The following CD163L1 variants were observed in gnomAD, a reference collection of about 807,000 sequenced individuals.
The protein encoded by CD163L1 is CD163 molecule like 1.
In CD163L1, 124 loss-of-function variants were observed where a neutral mutation model predicts 165.4. That is an observed-to-expected ratio of 0.75 (90% CI 0.65 to 0.87). The LOEUF (loss-of-function observed/expected upper bound fraction) is 0.87. Ranked by LOEUF, CD163L1 falls within the 40% of genes least tolerant of loss-of-function variation. The pLI is 0.00. For missense variants in CD163L1, 1,525 were observed against 1,799.9 expected, an observed-to-expected ratio of 0.85 and a Z score of 2.76; for synonymous variants, 585 against 662.2, an observed-to-expected ratio of 0.88 and a Z score of 1.79.
intron 4 of CD163L1, among the ~76,000 whole-genome samples, chr12:7,426,722 A>G (rs754481846): frequency 1.1e-4 from 16 of 152,186 alleles, no homozygotes; most frequent in Non-Finnish European, 2.2e-4. Flanking sequence ...CATGTATACC[A>G]GAACCTAAAG....
chr12:7,424,887 T>C (rs1948513245), intron 4 of CD163L1, among the ~76,000 whole-genome samples: 1 of 152,158 alleles, frequency 6.6e-6, no homozygotes. Context: ...AAAGATTCAA[T>C]ACTGTGAAAA....
At position 7,357,477 on chromosome 12, in the gene CD163L1, G is replaced by C. The variant is rs1326270733; in HGVS notation, c.4289C>G (p.Pro1430Arg). The C allele has an allele frequency of 6.2e-7, 1 of 1,612,282 alleles. No individual in the cohort carries two copies. Among genetic ancestry groups the C allele is most frequent in the Non-Finnish European group, 8.5e-7 (1 of 1,178,894 alleles). The change falls in exon 19 of 20, where the codon CCC (proline) becomes CGC (arginine). Residue 1430 changes from proline (P) to arginine (R), a missense_variant. Transcript: ENST00000313599. ...PHGTRTSDDT[P>R]NHGCEDASDT... ...GCTAGCATCTTCACAACCATGGTTGGGGGTGTCATCTGAAAGAAAGGCAAA... is the reference window on the plus strand; with the variant it reads ...GCTAGCATCTTCACAACCATGGTTGCGGGTGTCATCTGAAAGAAAGGCAAA...
chr12:7,332,526 C>T, the CD163L1 span, among the ~76,000 whole-genome samples: 5 of 152,158 alleles, frequency 3.3e-5, no homozygotes, highest in African/African-American at 9.7e-5. Context: ...TTAAGGGCAG[C>T]CAGGGAGAAA....
At chr12:7,324,201 G>C in the CD163L1 span, 7 of 1,551,006 alleles carry the variant, frequency 4.5e-6, no homozygotes, top group African/African-American at 8.2e-5. Flanking sequence ...TAATGTACTA[G>C]TCACTTAATG....
At chr12:7,342,951 T>C (rs1415042780), downstream of CD163L1, among the ~76,000 whole-genome samples, 1 of 152,228 alleles carries the variant, frequency 6.6e-6, no homozygotes, top group African/African-American at 2.4e-5. Context: ...CTCTCTTATC[T>C]TCACCAATTT....
At chr12:7,380,624 CAG>C (rs1488709994) in intron 8 of CD163L1, among the ~76,000 whole-genome samples, 1 of 151,928 alleles carries the variant, frequency 6.6e-6, no homozygotes, top group Non-Finnish European at 1.5e-5. Flanking sequence ...TTTGAGGACT[CAG>C]GGGAAAGGGT....
At position 7,368,737 on chromosome 12, in the gene CD163L1, T is replaced by TA. The variant is rs1433548681; in HGVS notation, c.4072+195dup. Reference sequence around the variant, plus strand: ...TGAGAGTCTTATCCTTCTCTGCATGTAAAAAGGATTTTTCTAGAGAGAAGG... The same window carrying TA: ...TGAGAGTCTTATCCTTCTCTGCATGTAAAAAAGGATTTTTCTAGAGAGAAGG... On this transcript the variant is annotated intron_variant, in intron 16 of 19. Transcript: ENST00000313599. This position sits in a 1 kb window ranked among gnomAD's most constrained non-coding sequence, Gnocchi z 4.3. The TA allele has an allele frequency of 6.7e-6, 4 of 597,892 alleles. No homozygotes were observed. The South Asian group carries it at 8.5e-5, about 13-fold the overall frequency. The allele number at this position is 597,892 out of a possible 1,614,324, so 37.0% of individuals were successfully genotyped here.
intron 8 of CD163L1, among the ~76,000 whole-genome samples, chr12:7,381,744 C>T (rs1947413240): frequency 6.6e-6 from 1 of 151,916 alleles, no homozygotes; most frequent in South Asian, 2.1e-4. Flanking sequence ...GTAGGAATCT[C>T]TATCAAAATT....
downstream of CD163L1, among the ~76,000 whole-genome samples, chr12:7,351,446 T>G (rs751821513): frequency 7.9e-5 from 12 of 152,166 alleles, no homozygotes; most frequent in Non-Finnish European, 1.8e-4. Context: ...ATCTTTTCAC[T>G]GTGGTCTCAC....
chr12:7,440,673 C>T (rs1302375029), intron 2 of CD163L1, among the ~76,000 whole-genome samples: 3 of 144,982 alleles, frequency 2.1e-5, no homozygotes, highest in Non-Finnish European at 4.5e-5. Context: ...GTCGCCCAGG[C>T]TGGAGTGTAG....
At chr12:7,385,965 C>T (rs1358117235) in intron 8 of CD163L1, among the ~76,000 whole-genome samples, 3 of 151,824 alleles carry the variant, frequency 2.0e-5, no homozygotes, top group African/African-American at 7.3e-5. Flanking sequence ...CCAAACCAAA[C>T]CCAAAATGTG....
rs1333756411 is a variant in CD163L1, at chr12:7,400,410, G to A, written c.1409-1826C>T. 6.6e-6 allele frequency among the ~76,000 whole-genome samples: 1 copy of A among 152,240 alleles called. No homozygotes were observed. The highest frequency in any genetic ancestry group is 2.1e-4 in the South Asian group (1 of 4,822). ...CAAAGAAAAACTTTTAATTCCTGAT[G>A]CAAACAAATATATAAATGAAGTAGT... On this transcript the variant is annotated intron_variant, in intron 6 of 19. Transcript: ENST00000313599. This position sits in a 1 kb window ranked among gnomAD's most constrained non-coding sequence, Gnocchi z 4.1.
chr12:7,367,965 C>T lies in CD163L1; in HGVS notation c.4183+122G>A, dbSNP rs140211680. The T allele has an allele frequency of 1.2e-3, 821 of 663,400 alleles. 2 individuals are homozygous for T. Among genetic ancestry groups the T allele is most frequent in the Non-Finnish European group, 1.7e-3 (625 of 365,570 alleles). The allele number at this position is 663,400 out of a possible 1,614,324, so 41.1% of individuals were successfully genotyped here. ...ACATGTTTCTGCATTTGGCCTGGCA[C>T]TTTCCAATCCATCTCACTCAAAGTG... On this transcript the variant is annotated intron_variant, in intron 17 of 19. Coordinates refer to ENST00000313599, the MANE Select transcript of CD163L1 (RefSeq NM_174941.6).
chr12:7,339,458 T>C, the CD163L1 span, among the ~76,000 whole-genome samples: 1 of 152,300 alleles, frequency 6.6e-6, no homozygotes, highest in East Asian at 1.9e-4. Flanking sequence ...AACAGTGAGA[T>C]AAAGATGGAC....
At chr12:7,382,617 C>T (rs1947435002) in intron 8 of CD163L1, among the ~76,000 whole-genome samples, 1 of 152,200 alleles carries the variant, frequency 6.6e-6, no homozygotes, top group Non-Finnish European at 1.5e-5. Flanking sequence ...CCCTCAGCTT[C>T]TGTGGGCTCT....
In CD163L1 at chr12:7,417,086, T is replaced by C. The variant is rs142004084; in HGVS notation, c.767-10234A>G. Among the ~76,000 whole-genome samples, 729 of 152,292 alleles carry C rather than the reference T, an allele frequency of 4.8e-3. 8 individuals are homozygous for C. The highest frequency in any genetic ancestry group is 0.017 in the African/African-American group (689 of 41,562). ...TTTTCCATGTTTGTGTCCTCTCTTA[T>C]TTCCTTGAGCAGTGGTTTGTAGTTC... On this transcript the variant is annotated intron_variant, in intron 4 of 19. Transcript: ENST00000313599.
Position 7,379,406 on chromosome 12 carries a change from A to G in CD163L1, c.2051-108T>C, listed in dbSNP as rs779820559. 1.6e-4 allele frequency: 168 copies of G among 1,082,798 alleles called. No individual in the cohort carries two copies. The African/African-American group carries it at 2.2e-3, about 14-fold the overall frequency. 67.1% of individuals were successfully genotyped at this position (1,082,798 alleles called of 1,614,324 possible). Reference sequence around the variant, plus strand: ...TAGACCAGTGGCCAAAAGTTGAGAGATTGTTTAGGTCCCGGCTTCACCAGT... The same window carrying G: ...TAGACCAGTGGCCAAAAGTTGAGAGGTTGTTTAGGTCCCGGCTTCACCAGT... On this transcript the variant is annotated intron_variant, in intron 8 of 19. Coordinates refer to ENST00000313599, the MANE Select transcript of CD163L1 (RefSeq NM_174941.6).
intron 8 of CD163L1, among the ~76,000 whole-genome samples, chr12:7,382,745 C>T (rs1021240115): frequency 6.6e-6 from 1 of 152,156 alleles, no homozygotes; most frequent in Non-Finnish European, 1.5e-5. Flanking sequence ...TCCAGCATGG[C>T]ACCATTTTGA....
chr12:7,411,937 A>C (rs1443422364), intron 4 of CD163L1, among the ~76,000 whole-genome samples: 1 of 152,214 alleles, frequency 6.6e-6, no homozygotes, highest in Non-Finnish European at 1.5e-5. Context: ...AGTTCTGATG[A>C]CACACAGTTC....
Sources: allele counts gnomAD v4.1 joint callset (sites outside exome capture counted in the v4.1 genomes callset), GRCh38; gene constraint gnomAD v4.1.1; non-coding constraint Gnocchi (gnomAD v3.1); transcripts MANE v1.5; gene names NCBI Gene and HGNC (gene_info 2026-07-23, HGNC 2026-07-21).